Variants in AHDC1 observed in about 807,000 individuals in gnomAD.
AHDC1 encodes the protein transcription factor Gibbin.
In AHDC1, 7 loss-of-function variants were observed where a neutral mutation model predicts 87.9. That is an observed-to-expected ratio of 0.08 (90% CI 0.05 to 0.15). AHDC1 has a LOEUF of 0.15. AHDC1 is among the 10% of genes least tolerant of loss of function. AHDC1 has a pLI of 1.00. For missense variants in AHDC1, 1,841 were observed against 2,253.2 expected (o/e 0.82, Z 3.70); for synonymous variants, 1,051 against 1,006.8 (o/e 1.04, Z -0.83).
intron 3 of AHDC1, among the ~76,000 whole-genome samples, chr1:27,575,518 C>T (rs960149722): frequency 6.6e-6 from 1 of 152,098 alleles, no homozygotes; most frequent in Non-Finnish European, 1.5e-5. Flanking sequence ...GCCAGGCGCC[C>T]CTGCCCGAGC....
At chr1:27,584,871 G>A (rs1170254768) in intron 3 of AHDC1, among the ~76,000 whole-genome samples, 1 of 151,992 alleles carries the variant, frequency 6.6e-6, no homozygotes, top group Non-Finnish European at 1.5e-5. Context: ...TCCTACTTAG[G>A]GCATCAAGGG....
chr1:27,556,399 G>T (rs1243799385), intron 5 of AHDC1, among the ~76,000 whole-genome samples: 3 of 151,934 alleles, frequency 2.0e-5, no homozygotes, highest in Non-Finnish European at 4.4e-5. Context: ...CTGCATCAAA[G>T]GGGCCATTAC....
Position 27,549,312 on chromosome 1 carries a change from G to T in AHDC1, c.2804C>A (p.Ala935Asp). The T allele has an allele frequency of 6.2e-7, 1 of 1,607,724 alleles. No homozygotes were observed. The highest frequency in any genetic ancestry group is 8.5e-7 in the Non-Finnish European group (1 of 1,175,548). Residue 935 changes from alanine to aspartate, a missense_variant, in exon 8 of 9, where the codon GCT becomes GAT. This residue lies in a region of AHDC1 where 378 missense variants were observed against 399.0 expected (regional missense o/e 0.95). Transcript: ENST00000673934. ...RAASYGLTPA[A>D]SDCRAAETFP... ...GGTCTCGGCTGCCCGGCAGTCTGAA[G>T]CGGCTGGAGTTAGCCCATAGCTTGC...
intron 3 of AHDC1, among the ~76,000 whole-genome samples, chr1:27,602,291 G>C (rs1164211149): frequency 2.0e-5 from 3 of 151,780 alleles, no homozygotes; most frequent in African/African-American, 7.3e-5. Flanking sequence ...CCCGCTCTGT[G>C]CCCGCTGCCC....
At position 27,548,126 on chromosome 1, in the gene AHDC1, C is replaced by T. The variant is rs769167103; in HGVS notation, c.3990G>A (p.Ser1330=). 2.9e-5 allele frequency: 46 copies of T among 1,613,762 alleles called. No homozygotes were observed. The highest frequency in any genetic ancestry group is 1.6e-4 in the Middle Eastern group (1 of 6,084). Residue 1330 remains serine (S), a synonymous_variant, in exon 8 of 9, where the codon TCG becomes TCA. Coordinates refer to ENST00000673934, the MANE Select transcript of AHDC1 (RefSeq NM_001371928.1). ...DSSMSPLPSQ[S]RAFGVGERDP... ...CTCGCTCTCCCACGCCGAAGGCCCT[C>T]GACTGTGAGGGCAGTGGTGACATGC...
At chr1:27,577,076 C>T (rs925226011) in intron 3 of AHDC1, among the ~76,000 whole-genome samples, 1 of 152,198 alleles carries the variant, frequency 6.6e-6, no homozygotes, top group Non-Finnish European at 1.5e-5. Context: ...CCTCAACATT[C>T]TTCCTGGCTA....
In AHDC1 at chr1:27,590,295, C is replaced by T. The variant is rs923638827; in HGVS notation, c.-629+13102G>A. On this transcript the variant is annotated intron_variant, in intron 3 of 8. Coordinates refer to ENST00000673934, the MANE Select transcript of AHDC1 (RefSeq NM_001371928.1). This position sits in a 1 kb window ranked among gnomAD's most constrained non-coding sequence, Gnocchi z 5.4. ...GCAGCGAGTTCCCTGGGGAGCTGGG[C>T]GGGGAGGCCCACAACTCCAACCTAC... Among the ~76,000 whole-genome samples the T allele has an allele frequency of 2.6e-4, 40 of 152,268 alleles. No homozygotes were observed. Among genetic ancestry groups the T allele is most frequent in the Admixed American group, 9.8e-4 (15 of 15,304 alleles).
At chr1:27,546,322 TTCTG>T (rs1395670706) in intron 8 of AHDC1, among the ~76,000 whole-genome samples, 6 of 150,628 alleles carry the variant, frequency 4.0e-5, no homozygotes, top group Admixed American at 3.3e-4. Context: ...TGGGGGCATT[TTCTG>T]TCTTTTATTT....
chr1:27,571,418 C>G (rs1200562455), intron 3 of AHDC1, among the ~76,000 whole-genome samples: 1 of 152,142 alleles, frequency 6.6e-6, no homozygotes, highest in Non-Finnish European at 1.5e-5. Context: ...GAGCAGAACC[C>G]TGAGCTGCAG....
chr1:27,549,759 T>G lies in AHDC1; in HGVS notation c.2357A>C (p.Gln786Pro). ...WAPHHGHPGG[Q>P]AGRNCGFQGT... is the part of the protein sequence containing the mutation. ...CTGAAACCCACAGTTTCGGCCAGCTTGTCCGCCTGGGTGCCCATGGTGAGG... is the reference window on the plus strand; with the variant it reads ...CTGAAACCCACAGTTTCGGCCAGCTGGTCCGCCTGGGTGCCCATGGTGAGG... The change falls in exon 8 of 9, where the codon CAA becomes CCA. Residue 786 changes from glutamine to proline, a missense_variant. Physicochemically the swap from Gln to Pro is moderately conservative, Grantham distance 76. Around this residue, in one of 13 missense-constraint regions of AHDC1, gnomAD observed 236 missense variants for 257.9 expected, o/e 0.92. Coordinates refer to ENST00000673934, the MANE Select transcript of AHDC1 (RefSeq NM_001371928.1). 6.2e-7 allele frequency: 1 copy of G among 1,613,004 alleles called. No individual in the cohort carries two copies. The highest frequency in any genetic ancestry group is 8.5e-7 in the Non-Finnish European group (1 of 1,179,898).
intron 3 of AHDC1, among the ~76,000 whole-genome samples, chr1:27,567,472 G>A (rs1462358366): frequency 1.3e-5 from 2 of 152,164 alleles, no homozygotes; most frequent in Non-Finnish European, 2.9e-5. Flanking sequence ...AACAGGCTGA[G>A]GCAGCTCTTA....
intron 3 of AHDC1, among the ~76,000 whole-genome samples, chr1:27,602,699 A>G (rs1361342535): frequency 2.0e-5 from 3 of 152,160 alleles, no homozygotes; most frequent in African/African-American, 7.2e-5. Flanking sequence ...GAGGAAACGC[A>G]TTGATAGGCG....
At chr1:27,542,230 G>A (rs2018958116) in intron 8 of AHDC1, among the ~76,000 whole-genome samples, 1 of 152,240 alleles carries the variant, frequency 6.6e-6, no homozygotes, top group Non-Finnish European at 1.5e-5. Flanking sequence ...GGACTGGTGT[G>A]CATAACTGTG....
At chr1:27,555,245 G>A (rs1006707340) in intron 5 of AHDC1, among the ~76,000 whole-genome samples, 1 of 152,230 alleles carries the variant, frequency 6.6e-6, no homozygotes, top group African/African-American at 2.4e-5. Context: ...CTGGGAATCT[G>A]TATTTTTAAC....
intron 8 of AHDC1, among the ~76,000 whole-genome samples, chr1:27,540,561 G>C (rs2018858659): frequency 6.6e-6 from 1 of 152,096 alleles, no homozygotes; most frequent in African/African-American, 2.4e-5. Flanking sequence ...GAGAGGGTGA[G>C]AGATTAATTG....
At chr1:27,604,187 G>A (rs1255482265), upstream of AHDC1, 1 of 152,206 alleles carries the variant, frequency 6.6e-6, no homozygotes, top group Non-Finnish European at 1.5e-5. Context: ...CGGAACCCCA[G>A]GGGGGAGCGC....
intron 3 of AHDC1, among the ~76,000 whole-genome samples, chr1:27,588,271 G>A (rs183249815): frequency 1.3e-5 from 2 of 152,276 alleles, no homozygotes; most frequent in Admixed American, 1.3e-4. Flanking sequence ...CCAAGATCAA[G>A]GGTTACTTTA....
In AHDC1 at chr1:27,560,806, C is replaced by T. The variant is rs1001520300; in HGVS notation, c.-628-1923G>A. 2.6e-5 allele frequency among the ~76,000 whole-genome samples: 4 copies of T among 152,068 alleles called. No homozygotes were observed. Among genetic ancestry groups the T allele is most frequent in the East Asian group, 3.9e-4 (2 of 5,188 alleles). On this transcript the variant is annotated intron_variant, in intron 3 of 8. Transcript: ENST00000673934. This position sits in a 1 kb window ranked among gnomAD's most constrained non-coding sequence, Gnocchi z 4.1. ...TGTGTGCCATGGTGTGTCAGCACAA[C>T]GGTGCCCCAGGGTTTGTGTGGTACC... is the stretch of plus-strand genomic sequence containing the variant.
chr1:27,602,957 G>A (rs1269933716), intron 3 of AHDC1, among the ~76,000 whole-genome samples: 4 of 141,758 alleles, frequency 2.8e-5, no homozygotes, highest in Admixed American at 6.9e-5. Context: ...ATCCAGCCTT[G>A]TTCTCCGCTC....
Sources: gnomAD v4.1 joint callset for allele counts (sites outside exome capture counted in the v4.1 genomes callset) on GRCh38, gnomAD v4.1.1 for gene constraint, gnomAD v4.1.1 regional missense constraint, Gnocchi (gnomAD v3.1) non-coding constraint, MANE v1.5 for transcripts, NCBI Gene and HGNC (gene_info 2026-07-23, HGNC 2026-07-21) for gene names.